Variants in KCNT1 observed in about 807,000 individuals in gnomAD.
The protein encoded by KCNT1 is potassium sodium-activated channel subfamily T member 1, also known as potassium channel subfamily T member 1.
In KCNT1, 78 loss-of-function variants were observed where a neutral mutation model predicts 147.8. The ratio of observed to expected loss-of-function variants is 0.53; its 90% CI spans 0.44 to 0.64. The LOEUF (loss-of-function observed/expected upper bound fraction) is 0.64, where lower values mean the gene tolerates loss of function less well. Among genes scored for constraint, KCNT1 ranks in the 30% least tolerant of loss-of-function variants. The probability of loss-of-function intolerance (pLI) is 0.00; values close to 1 mark genes in which losing one functional copy is unlikely to be tolerated. For missense variants in KCNT1, 1,419 were observed against 1,750.3 expected, an observed-to-expected ratio of 0.81 and a Z score of 3.38; for synonymous variants, 867 against 748.8, an observed-to-expected ratio of 1.16 and a Z score of -2.58.
chr9:135,735,753 G>A (rs1232859495), intron 2 of KCNT1, among the ~76,000 whole-genome samples: 1 of 152,176 alleles, frequency 6.6e-6, no homozygotes, highest in East Asian at 1.9e-4. Context: ...TCTGGGGTCA[G>A]AGCGTGGACA....
intron 28 of KCNT1, 100 bp from the exon 29 acceptor site, chr9:135,786,097 G>A: frequency 1.8e-6 from 2 of 1,093,132 alleles, no homozygotes; most frequent in South Asian, 2.9e-5. Flanking sequence ...CAGGCCCCAA[G>A]CTGCAGAGCC....
chr9:135,757,397 G>C lies in KCNT1; in HGVS notation c.759+16G>C. ...AAACATGATTGTAAGCCGGGGCGGG[G>C]GGTGCAGCTGGGACTTGGGGGGGCC... On this transcript the variant is annotated intron_variant, in intron 9 of 30. Transcript: ENST00000371757. 2 of 1,602,802 alleles carry C rather than the reference G, an allele frequency of 1.2e-6. No homozygotes were observed. The highest frequency in any genetic ancestry group is 1.7e-6 in the Non-Finnish European group (2 of 1,178,784).
intron 2 of KCNT1, 45 bp from the exon 3 acceptor site, chr9:135,750,053 G>A: frequency 1.3e-6 from 2 of 1,513,522 alleles, no homozygotes; most frequent in South Asian, 2.3e-5. Flanking sequence ...CCCAGCCTGA[G>A]TCCCCACTGG....
intron 2 of KCNT1, among the ~76,000 whole-genome samples, chr9:135,727,768 G>A (rs1053664053): frequency 4.6e-5 from 7 of 152,356 alleles, no homozygotes; most frequent in African/African-American, 1.7e-4. Context: ...GGGCCCACAG[G>A]GGAGCAAAGG....
chr9:135,784,939 G>A (rs370930732), intron 27 of KCNT1, 50 bp downstream of exon 27: 5 of 1,588,920 alleles, frequency 3.1e-6, no homozygotes, highest in Non-Finnish European at 4.3e-6. Context: ...TGTCCTGTGT[G>A]ACCCACAGCA....
rs757968008 is a variant in KCNT1, at chr9:135,786,170, CGCCCTGCCCT to C, written c.3178-12_3178-3del. On this transcript the variant is annotated splice_polypyrimidine_tract_variant and intron_variant, in intron 28 of 30. Coordinates refer to ENST00000371757, the MANE Select transcript of KCNT1 (RefSeq NM_020822.3). The stretch of plus-strand genomic sequence containing the variant: ...CCCTCCCGGCAGCCTCACCCCTCCC[CGCCCTGCCCT>C]GCCCTGCCCTGCCCAGTCCCAGATC... 1.8e-4 allele frequency: 286 copies of C among 1,548,246 alleles called. No homozygotes were observed. The African/African-American group carries it at 2.0e-3, about 11-fold the overall frequency.
intron 5 of KCNT1, among the ~76,000 whole-genome samples, chr9:135,754,555 T>C (rs1043285073): frequency 2.0e-5 from 3 of 152,208 alleles, no homozygotes; most frequent in Non-Finnish European, 2.9e-5. Flanking sequence ...CTGCAAGGCA[T>C]GTCCCCAGTG....
rs930841801 is a variant in KCNT1 at position 135,750,113 on chromosome 9, C to T, written c.270C>T (p.Phe90=). 7 of 1,613,752 alleles carry T rather than the reference C, an allele frequency of 4.3e-6. No individual in the cohort carries two copies. Among genetic ancestry groups the T allele is most frequent in the Middle Eastern group, 1.6e-4 (1 of 6,080 alleles). The part of the protein sequence containing the change: ...FQNDDRVQVE[F]YVNENTFKER... ...GCTTCTTCAGGGTCCAGGTGGAGTT[C>T]TACGTCAACGAGAACACCTTCAAGG... Residue 90 remains phenylalanine, a synonymous_variant, in exon 3 of 31, where the codon TTC becomes TTT. Transcript: ENST00000371757.
chr9:135,723,284 A>G (rs1252371484), intron 2 of KCNT1, among the ~76,000 whole-genome samples: 1 of 152,242 alleles, frequency 6.6e-6, no homozygotes, highest in Non-Finnish European at 1.5e-5. Context: ...CCAGGTCCCA[A>G]AAGCAAAAGC....
intron 1 of KCNT1, 104 bp downstream of exon 1, chr9:135,702,472 G>A: frequency 1.0e-6 from 1 of 973,072 alleles, no homozygotes; most frequent in Admixed American, 2.0e-5. Context: ...GCCATTCCCA[G>A]GGCCATCCAA....
At chr9:135,757,413 T>G in intron 9 of KCNT1, 32 bp downstream of exon 9, 5 of 1,554,076 alleles carry the variant, frequency 3.2e-6, no homozygotes, top group Non-Finnish European at 4.4e-6. Flanking sequence ...AGCTGGGACT[T>G]GGGGGGGCCA....
chr9:135,714,461 G>C lies in KCNT1; in HGVS notation c.111-116G>C, dbSNP rs1835635925. On this transcript the variant is annotated intron_variant, in intron 1 of 30. Coordinates refer to ENST00000371757, the MANE Select transcript of KCNT1 (RefSeq NM_020822.3). The surrounding 1 kb of genome is among the most constrained non-coding windows in gnomAD (Gnocchi z 6.2). ...CCCCCGCCCGGCCGCCCGCCCGCCC[G>C]GTGGGTCGCGGTGGCCGCGGGCTGC... 1.5e-6 allele frequency: 1 copy of C among 674,504 alleles called. No homozygotes were observed. The highest frequency in any genetic ancestry group is 2.0e-5 in the African/African-American group (1 of 50,312). The allele number at this position is 674,504 out of a possible 1,614,324, so 41.8% of individuals were successfully genotyped here.
intron 13 of KCNT1, among the ~76,000 whole-genome samples, chr9:135,767,479 G>A (rs923785240): frequency 1.3e-5 from 2 of 152,122 alleles, no homozygotes; most frequent in African/African-American, 4.8e-5. Flanking sequence ...GACCCAGGAG[G>A]CGCTGGAAGT....
rs1834738880 is a variant in KCNT1 at position 135,795,299 on chromosome 9, C to A, written c.*3138C>A. On this transcript the variant is annotated 3_prime_UTR_variant, in exon 31 of 31. Coordinates refer to ENST00000371757, the MANE Select transcript of KCNT1 (RefSeq NM_020822.3). ...TCAAAAAGTACAAAAAAAAAAATAG[C>A]TAGACGTGGTGGCATGTGCATACAG... 6.8e-6 allele frequency: 1 copy of A among 147,186 alleles called. No homozygotes were observed. Among genetic ancestry groups the A allele is most frequent in the African/African-American group, 2.5e-5 (1 of 39,956 alleles). The allele number at this position is 147,186 out of a possible 1,614,324, so 9.1% of individuals were successfully genotyped here. A position where few individuals can be genotyped will look rare whatever the true frequency, so the allele number is the denominator to read the frequency against.
intron 29 of KCNT1, chr9:135,788,909 C>T (rs1328201395): frequency 6.6e-6 from 1 of 152,384 alleles, no homozygotes; most frequent in Non-Finnish European, 1.5e-5. Context: ...CACCTCCCTA[C>T]AGGGTAACCC....
At chr9:135,749,598 T>C (rs1320614103) in intron 2 of KCNT1, among the ~76,000 whole-genome samples, 1 of 152,204 alleles carries the variant, frequency 6.6e-6, no homozygotes, top group Non-Finnish European at 1.5e-5. Flanking sequence ...CAGTGGCCCA[T>C]AGCCTTGGAG....
chr9:135,777,999 T>TCC (rs375587615), intron 21 of KCNT1, among the ~76,000 whole-genome samples: 12 of 151,684 alleles, frequency 7.9e-5, no homozygotes, highest in South Asian at 2.1e-4. Flanking sequence ...TCTCAGCTCC[T>TCC]GTGGCTCCCA....
In KCNT1 at chr9:135,786,305, G is replaced by A. The variant is rs748115007; in HGVS notation, c.3286G>A (p.Gly1096Ser). The A allele has an allele frequency of 2.7e-5, 44 of 1,603,138 alleles. No homozygotes were observed. The highest frequency in any genetic ancestry group is 4.5e-5 in the East Asian group (2 of 44,430). The change falls in exon 29 of 31, where the codon GGC (glycine) becomes AGC (serine). Residue 1096 changes from glycine to serine, a missense_variant. Transcript: ENST00000371757. ...CAGCTCCCAGGGCCGCCACACGGGCGGCGGTGACCCCGCAGAGCACCCACT... is the reference window on the plus strand; with the variant it reads ...CAGCTCCCAGGGCCGCCACACGGGCAGCGGTGACCCCGCAGAGCACCCACT... ...GGSSQGRHTG[G>S]GDPAEHPLLR...
Position 135,785,311 on chromosome 9 carries a change from C to G in KCNT1, c.3158C>G (p.Pro1053Arg), listed in dbSNP as rs776239808. 6.2e-7 allele frequency: 1 copy of G among 1,612,994 alleles called. No individual in the cohort carries two copies. The highest frequency in any genetic ancestry group is 1.1e-5 in the South Asian group (1 of 91,088). The part of the protein sequence containing the change: ...TESHVFSTSE[P>R]HDLRAQSQIS... ...AGACTGCGCCTGTTTCCTTTGCAGC[C>G]CCACGACCTCAGAGCCCAGGTAAGC... Residue 1053 changes from proline (P) to arginine (R), a missense_variant and splice_region_variant, in exon 28 of 31, where the codon CCC becomes CGC. By Grantham distance (103) the Pro-to-Arg change is moderately radical (BLOSUM62 -2). Around this residue, in one of 5 missense-constraint regions of KCNT1, gnomAD observed 306 missense variants for 294.2 expected, o/e 1.04. Coordinates refer to ENST00000371757, the MANE Select transcript of KCNT1 (RefSeq NM_020822.3).
Sources: allele counts gnomAD v4.1 joint callset (sites outside exome capture counted in the v4.1 genomes callset), GRCh38; gene constraint gnomAD v4.1.1; regional missense constraint gnomAD v4.1.1; non-coding constraint Gnocchi (gnomAD v3.1); transcripts MANE v1.5; gene names NCBI Gene and HGNC (gene_info 2026-07-23, HGNC 2026-07-21).